PLCH1: variants seen among roughly 807,000 people sequenced by gnomAD.
PLCH1 encodes the protein 1-phosphatidylinositol 4,5-bisphosphate phosphodiesterase eta-1.
Under a neutral mutation model 126.7 loss-of-function variants are expected in PLCH1, and 60 were observed. The observed-to-expected ratio is 0.47, with a 90% CI of 0.38 to 0.59. The LOEUF is 0.59. PLCH1 is among the 20% of genes least tolerant of loss of function. The pLI is 0.00. For missense variants in PLCH1, 1,723 were observed against 2,040.0 expected (o/e 0.84, Z 2.99); for synonymous variants, 719 against 734.9 (o/e 0.98, Z 0.35).
intron 12 of PLCH1, among the ~76,000 whole-genome samples, chr3:155,505,224 G>A (rs1345188757): frequency 1.3e-5 from 2 of 152,146 alleles, no homozygotes; most frequent in Non-Finnish European, 2.9e-5. Context: ...CCTCTGTGAT[G>A]AGCACTGGAA....
chr3:155,498,349 A>G (rs1270694681), intron 14 of PLCH1, among the ~76,000 whole-genome samples: 1 of 152,240 alleles, frequency 6.6e-6, no homozygotes, highest in Non-Finnish European at 1.5e-5. Context: ...ACATATATAT[A>G]GGGTTCACTA....
intron 14 of PLCH1, 61 bp from the exon 15 acceptor site, chr3:155,497,478 G>A: frequency 8.9e-7 from 1 of 1,129,634 alleles, no homozygotes; most frequent in Non-Finnish European, 1.3e-6. Flanking sequence ...TGGGTTCTTG[G>A]TTATCCCACT....
chr3:155,532,206 C>T (rs931478899), intron 10 of PLCH1, among the ~76,000 whole-genome samples: 1 of 152,144 alleles, frequency 6.6e-6, no homozygotes, highest in Non-Finnish European at 1.5e-5. Flanking sequence ...AGCTCCCACT[C>T]GGACAATGGA....
At chr3:155,587,487 C>G (rs749871782) in intron 4 of PLCH1, among the ~76,000 whole-genome samples, 2 of 152,162 alleles carry the variant, frequency 1.3e-5, no homozygotes, top group Non-Finnish European at 2.9e-5. Context: ...ATTTAGCACA[C>G]TCTTCTACAC....
At position 155,742,938 on chromosome 3, in the gene PLCH1, C is replaced by G. The variant is rs1749729544; in HGVS notation, c.-41+1902G>C. 1.6e-5 allele frequency: 3 copies of G among 188,158 alleles called. No individual in the cohort carries two copies. In the South Asian group the frequency reaches 2.5e-4, roughly 16 times the overall value. 11.7% of individuals were successfully genotyped at this position (188,158 alleles called of 1,614,324 possible). A position where few individuals can be genotyped will look rare whatever the true frequency, so the allele number is the denominator to read the frequency against. ...TGCTTGAAACTGGTATGTAGCGAGA[C>G]AGTACTCACGTATTACTTCATCCAA... On this transcript the variant is annotated intron_variant, in intron 1 of 22. Transcript: ENST00000460012.
chr3:155,732,160 CA>C (rs1198802482), intron 1 of PLCH1, among the ~76,000 whole-genome samples: 4 of 151,416 alleles, frequency 2.6e-5, no homozygotes, highest in Non-Finnish European at 4.4e-5. Flanking sequence ...AGAAATAATT[CA>C]AAAAAATTAG....
intron 10 of PLCH1, among the ~76,000 whole-genome samples, chr3:155,526,257 A>T (rs1213293009): frequency 6.6e-6 from 1 of 152,088 alleles, no homozygotes; most frequent in East Asian, 1.9e-4. Context: ...AGTGCCCGAC[A>T]TCTAATGAAC....
chr3:155,735,249 A>T (rs1192275761), intron 1 of PLCH1, among the ~76,000 whole-genome samples: 10 of 152,138 alleles, frequency 6.6e-5, no homozygotes, highest in Non-Finnish European at 1.5e-4. Flanking sequence ...GTCAAAGGAT[A>T]CAAAATTTTG....
chr3:155,535,583 G>A (rs1175766926), intron 10 of PLCH1, among the ~76,000 whole-genome samples: 1 of 152,142 alleles, frequency 6.6e-6, no homozygotes, highest in Non-Finnish European at 1.5e-5. Context: ...TAACTCCATT[G>A]GACTGAGAAC....
intron 1 of PLCH1, among the ~76,000 whole-genome samples, chr3:155,724,813 T>TTGTGTGTGTGTG (rs60805589): frequency 0.021 from 2,958 of 140,090 alleles, 107 homozygotes; most frequent in African/African-American, 0.066. Flanking sequence ...TTGGGGGGTT[T>TTGTGTGTGTGTG]TGTGTGTGTG....
chr3:155,511,378 C>T (rs1719462162), intron 12 of PLCH1, among the ~76,000 whole-genome samples: 2 of 124,410 alleles, frequency 1.6e-5, no homozygotes, highest in African/African-American at 4.3e-5. Flanking sequence ...CTCCATCCAG[C>T]TTTGTTCCGT....
At chr3:155,483,083 T>C in intron 22 of PLCH1, 32 bp from the exon 23 acceptor site, 1 of 1,586,104 alleles carries the variant, frequency 6.3e-7, no homozygotes, top group Non-Finnish European at 8.6e-7. Context: ...TTAGGTGACA[T>C]CTATCACTTT....
chr3:155,586,565 G>A (rs1226196307), intron 4 of PLCH1, among the ~76,000 whole-genome samples: 1 of 152,086 alleles, frequency 6.6e-6, no homozygotes, highest in Non-Finnish European at 1.5e-5. Flanking sequence ...AAATTAGCTA[G>A]GCATGGTGGC....
intron 2 of PLCH1, among the ~76,000 whole-genome samples, chr3:155,663,519 C>G (rs1013496429): frequency 6.6e-6 from 1 of 152,214 alleles, no homozygotes; most frequent in Non-Finnish European, 1.5e-5. Context: ...GCTGTAGAGA[C>G]TTCTGCTCCA....
Position 155,479,961 on chromosome 3 carries a change from CAA to C in PLCH1, c.*1005_*1006del, listed in dbSNP as rs1396943588. On this transcript the variant is annotated 3_prime_UTR_variant, in exon 23 of 23. Coordinates refer to ENST00000460012, the MANE Select transcript of PLCH1 (RefSeq NM_014996.4). ...CAGTTAATGTTACAAAAAAAAAAAA[CAA>C]AGAGGGACATCTGAACATGCAATAA... 1 of 145,972 alleles carries C rather than the reference CAA, an allele frequency of 6.9e-6. No homozygotes were observed. Among genetic ancestry groups the C allele is most frequent in the Non-Finnish European group, 1.5e-5 (1 of 65,776 alleles). The allele number at this position is 145,972 out of a possible 1,614,324, so 9.0% of individuals were successfully genotyped here.
chr3:155,624,882 G>GA (rs1040610698), intron 2 of PLCH1, among the ~76,000 whole-genome samples: 1 of 151,910 alleles, frequency 6.6e-6, no homozygotes, highest in South Asian at 2.1e-4. Flanking sequence ...CACAGAATTG[G>GA]AAAAAAACTA....
intron 2 of PLCH1, among the ~76,000 whole-genome samples, chr3:155,695,763 C>T (rs565803572): frequency 1.5e-4 from 23 of 152,334 alleles, no homozygotes; most frequent in African/African-American, 5.5e-4. Flanking sequence ...AGGACCTGAC[C>T]TGGTCTGAGT....
intron 6 of PLCH1, among the ~76,000 whole-genome samples, chr3:155,581,544 C>T (rs1240296506): frequency 7.9e-5 from 12 of 152,130 alleles, no homozygotes; most frequent in Admixed American, 7.2e-4. Flanking sequence ...AGAAGCCAGT[C>T]ACAAAGGTCA....
chr3:155,607,471 C>T (rs1450322786), intron 2 of PLCH1, among the ~76,000 whole-genome samples: 10 of 151,302 alleles, frequency 6.6e-5, no homozygotes, highest in African/African-American at 2.4e-4. Flanking sequence ...TCTTTTGAGA[C>T]AGCTTGTCAC....
Sources: gnomAD v4.1 joint callset for allele counts (sites outside exome capture counted in the v4.1 genomes callset) on GRCh38, gnomAD v4.1.1 for gene constraint, MANE v1.5 for transcripts, NCBI Gene and HGNC (gene_info 2026-07-23, HGNC 2026-07-21) for gene names.